STPG2: variants seen among roughly 807,000 people sequenced by gnomAD.
STPG2 encodes sperm tail PG-rich repeat containing 2.
A neutral mutation model predicts 54.2 loss-of-function variants in STPG2; 56 were observed. That is an observed-to-expected ratio of 1.03 (90% CI 0.83 to 1.29). STPG2 has a LOEUF of 1.29. Ranked by LOEUF, STPG2 falls within the 50% of genes most tolerant of loss-of-function variation. The pLI is 0.00. For missense variants in STPG2, 596 were observed against 544.9 expected (o/e 1.09, Z -0.93); for synonymous variants, 200 against 181.8 (o/e 1.10, Z -0.81).
intron 4 of STPG2, among the ~76,000 whole-genome samples, chr4:97,511,899 C>T (rs1387808868): frequency 6.6e-6 from 1 of 151,692 alleles, no homozygotes; most frequent in African/African-American, 2.4e-5. Context: ...AAAAGCATGC[C>T]ATATTTGGAG....
intron 5 of STPG2, among the ~76,000 whole-genome samples, chr4:97,992,199 C>T (rs1735043083): frequency 1.3e-5 from 2 of 152,032 alleles, no homozygotes; most frequent in Non-Finnish European, 2.9e-5. Context: ...AGGGTTTTTC[C>T]AATGTTATCT....
At chr4:97,701,337 C>G (rs2148997537) in intron 10 of STPG2, among the ~76,000 whole-genome samples, 1 of 152,282 alleles carries the variant, frequency 6.6e-6, no homozygotes, top group East Asian at 1.9e-4. Context: ...CTTTAATTAT[C>G]TGACCTCCAT....
chr4:98,082,827 G>A (rs1006822143), intron 5 of STPG2, among the ~76,000 whole-genome samples: 1 of 151,824 alleles, frequency 6.6e-6, no homozygotes, highest in African/African-American at 2.4e-5. Flanking sequence ...ACTCTTCATT[G>A]ACTCCCTTTT....
At chr4:97,844,755 A>AT (rs544294892) in intron 8 of STPG2, among the ~76,000 whole-genome samples, 3 of 151,772 alleles carry the variant, frequency 2.0e-5, no homozygotes, top group Admixed American at 1.3e-4. Context: ...ATCTTCAAAT[A>AT]TTTTTTCTGC....
At chr4:97,673,649 A>G (rs1722759413) in intron 10 of STPG2, among the ~76,000 whole-genome samples, 1 of 147,772 alleles carries the variant, frequency 6.8e-6, no homozygotes, top group Admixed American at 7.0e-5. Context: ...TACCAGGATT[A>G]AATTAAAGAA....
intron 9 of STPG2, among the ~76,000 whole-genome samples, chr4:97,835,941 T>C (rs1251636434): frequency 1.3e-5 from 2 of 152,162 alleles, no homozygotes; most frequent in Admixed American, 6.6e-5. Context: ...TGCTAAAATT[T>C]CATGATTAAA....
chr4:97,542,315 TAC>T (rs768482530), intron 4 of STPG2, among the ~76,000 whole-genome samples: 27 of 152,190 alleles, frequency 1.8e-4, no homozygotes, highest in Non-Finnish European at 3.4e-4. Context: ...AAAGGATATG[TAC>T]AGAGACTTCT....
At chr4:97,719,106 A>G (rs1260822710) in intron 9 of STPG2, among the ~76,000 whole-genome samples, 1 of 151,958 alleles carries the variant, frequency 6.6e-6, no homozygotes, top group African/African-American at 2.4e-5. Flanking sequence ...TTCTGGTCTC[A>G]ATCATTTTGG....
At chr4:97,982,499 T>C (rs1578754481) in intron 5 of STPG2, among the ~76,000 whole-genome samples, 1 of 152,204 alleles carries the variant, frequency 6.6e-6, no homozygotes, top group East Asian at 1.9e-4. Flanking sequence ...TTTTCTTACA[T>C]ATCCACAGTA....
At chr4:98,045,595 GT>G (rs1200889702) in intron 5 of STPG2, among the ~76,000 whole-genome samples, 1 of 152,100 alleles carries the variant, frequency 6.6e-6, no homozygotes, top group Non-Finnish European at 1.5e-5. Context: ...CTTCATTTTA[GT>G]AGGATAGGTT....
At chr4:97,730,351 G>T (rs1366673591) in intron 9 of STPG2, among the ~76,000 whole-genome samples, 1 of 152,162 alleles carries the variant, frequency 6.6e-6, no homozygotes, top group African/African-American at 2.4e-5. Context: ...TTTTATGGCT[G>T]TGTAGTATGC....
At chr4:98,122,066 C>T (rs1739696168) in intron 3 of STPG2, among the ~76,000 whole-genome samples, 1 of 149,728 alleles carries the variant, frequency 6.7e-6, no homozygotes, top group Admixed American at 6.7e-5. Context: ...TGAGATTTTG[C>T]TAAAGTTGCT....
intron 10 of STPG2, among the ~76,000 whole-genome samples, chr4:97,676,762 T>C (rs1722864755): frequency 6.6e-6 from 1 of 152,148 alleles, no homozygotes; most frequent in Admixed American, 6.5e-5. Flanking sequence ...TTCTCAATGG[T>C]TTCTGTGAAT....
At position 97,559,051 on chromosome 4, in the gene STPG2, A is replaced by G; in HGVS notation, c.*7T>C. 6.3e-7 allele frequency: 1 copy of G among 1,592,906 alleles called. No individual in the cohort carries two copies. The highest frequency in any genetic ancestry group is 8.5e-7 in the Non-Finnish European group (1 of 1,172,552). On this transcript the variant is annotated 3_prime_UTR_variant, in exon 11 of 11. Transcript: ENST00000295268. ...GTTGTTTTTTAAGTTTTTGCCATAAATTTATGTCACATTATATCAGCAGCC... is the reference window on the plus strand; with the variant it reads ...GTTGTTTTTTAAGTTTTTGCCATAAGTTTATGTCACATTATATCAGCAGCC...
At chr4:97,883,166 TATATACAC>T (rs1338757066) in intron 8 of STPG2, among the ~76,000 whole-genome samples, 1 of 150,854 alleles carries the variant, frequency 6.6e-6, no homozygotes. Flanking sequence ...GAAATATATA[TATATACAC>T]ATATATACAT....
chr4:98,042,669 T>TAC (rs1737000916), intron 5 of STPG2, among the ~76,000 whole-genome samples: 1 of 151,906 alleles, frequency 6.6e-6, no homozygotes, highest in African/African-American at 2.4e-5. Context: ...GTTAAGAAAA[T>TAC]ATGTATTATA....
intron 9 of STPG2, among the ~76,000 whole-genome samples, chr4:97,785,956 AC>A (rs1726810332): frequency 6.6e-6 from 1 of 152,098 alleles, no homozygotes; most frequent in Non-Finnish European, 1.5e-5. Context: ...GAGAGTTGCT[AC>A]CATAGCTGTG....
intron 4 of STPG2, among the ~76,000 whole-genome samples, chr4:97,486,860 A>AACACACACACACAC (rs772458069): frequency 4.0e-5 from 5 of 125,578 alleles, no homozygotes; most frequent in African/African-American, 1.5e-4. Flanking sequence ...TATGTATACA[A>AACACACACACACAC]ACACACACAC....
At chr4:98,010,258 T>C (rs184599785) in intron 5 of STPG2, among the ~76,000 whole-genome samples, 70 of 152,262 alleles carry the variant, frequency 4.6e-4, no homozygotes, top group African/African-American at 1.5e-3. Context: ...TGACACTGCT[T>C]TCACTGTATC....
Sources: gnomAD v4.1 joint callset for allele counts (sites outside exome capture counted in the v4.1 genomes callset) on GRCh38, gnomAD v4.1.1 for gene constraint, MANE v1.5 for transcripts, NCBI Gene and HGNC (gene_info 2026-07-23, HGNC 2026-07-21) for gene names.